The following SNED1 variants were observed in gnomAD, a reference collection of about 807,000 sequenced individuals.
SNED1 encodes the protein sushi, nidogen and EGF-like domain-containing protein 1.
SNED1 carries 81 observed loss-of-function variants against 166.7 expected under a neutral mutation model. The observed-to-expected ratio is 0.49, with a 90% CI of 0.41 to 0.58. The LOEUF is 0.58. Ranked by LOEUF, SNED1 falls within the 20% of genes least tolerant of loss-of-function variation. The pLI is 0.00. For missense variants in SNED1, 1,604 were observed against 2,000.2 expected (o/e 0.80, Z 3.78); for synonymous variants, 762 against 822.0 (o/e 0.93, Z 1.25).
chr2:241,066,615 G>A (rs978643883), intron 21 of SNED1, among the ~76,000 whole-genome samples: 2 of 151,218 alleles, frequency 1.3e-5, no homozygotes, highest in Admixed American at 6.6e-5. Context: ...AGACTGCTGC[G>A]AAGTGGCGTG....
intron 1 of SNED1, among the ~76,000 whole-genome samples, chr2:241,021,033 A>C (rs953807765): frequency 2.6e-5 from 4 of 152,192 alleles, no homozygotes; most frequent in Admixed American, 2.0e-4. Context: ...TCCCCACTGC[A>C]ACCCCCTCGC....
At chr2:241,084,149 T>C (rs1467224896) in intron 29 of SNED1, among the ~76,000 whole-genome samples, 1 of 151,134 alleles carries the variant, frequency 6.6e-6, no homozygotes, top group East Asian at 1.9e-4. Context: ...TTTTTTTTTT[T>C]TTTTGAGACA....
At position 241,090,597 on chromosome 2, in the gene SNED1, A is replaced by C. The variant is rs1490442238; in HGVS notation, c.*2-1041A>C. On this transcript the variant is annotated intron_variant, in intron 31 of 31. Transcript: ENST00000310397. The stretch of plus-strand genomic sequence containing the variant: ...GTTTGTATACACCAGCATCACCACA[A>C]ACACAAAAAGAATTATTCTAGCACT... The C allele has an allele frequency of 3.1e-6, 3 of 975,212 alleles. No individual in the cohort carries two copies. In the African/African-American group the frequency reaches 4.9e-5, roughly 16 times the overall value. 60.4% of individuals were successfully genotyped at this position (975,212 alleles called of 1,614,324 possible). A position where few individuals can be genotyped will look rare whatever the true frequency, so the allele number is the denominator to read the frequency against.
At chr2:241,008,412 C>A (rs2060287465) in intron 1 of SNED1, among the ~76,000 whole-genome samples, 1 of 152,252 alleles carries the variant, frequency 6.6e-6, no homozygotes, top group African/African-American at 2.4e-5. Context: ...CAGGGTCCCA[C>A]CTGATAGCAC....
chr2:241,036,711 G>T (rs1345207056), intron 4 of SNED1, 79 bp from the exon 5 acceptor site: 3 of 1,572,626 alleles, frequency 1.9e-6, no homozygotes, highest in Non-Finnish European at 2.6e-6. Flanking sequence ...GGGGAGGGAA[G>T]GGAGATGCGG....
At chr2:241,024,950 A>T (rs942260648) in intron 1 of SNED1, among the ~76,000 whole-genome samples, 2 of 152,202 alleles carry the variant, frequency 1.3e-5, no homozygotes, top group African/African-American at 4.8e-5. Flanking sequence ...TTGGGATTAC[A>T]GGCATGAGCC....
Position 241,053,021 on chromosome 2 carries a change from C to T in SNED1, c.2084-132C>T, listed in dbSNP as rs914510983. The T allele has an allele frequency of 1.8e-5, 15 of 842,424 alleles. No individual in the cohort carries two copies. In the East Asian group the frequency reaches 3.0e-4, roughly 17 times the overall value. 52.2% of individuals were successfully genotyped at this position (842,424 alleles called of 1,614,324 possible). A position where few individuals can be genotyped will look rare whatever the true frequency, so the allele number is the denominator to read the frequency against. On this transcript the variant is annotated intron_variant, in intron 15 of 31. Transcript: ENST00000310397. ...CAACCAGGCCCCAGAAGTCGAGGCA[C>T]CTTTCCCCGGTGAAGGGCAGTGTGG...
chr2:241,053,783 A>G (rs998495126), intron 16 of SNED1, among the ~76,000 whole-genome samples: 23 of 151,954 alleles, frequency 1.5e-4, no homozygotes, highest in African/African-American at 5.1e-4. Flanking sequence ...CTGAGGTCCC[A>G]CCCCTGTCTG....
Position 241,064,141 on chromosome 2 carries a change from T to A in SNED1, c.2599+16T>A, listed in dbSNP as rs34771867. On this transcript the variant is annotated intron_variant, in intron 19 of 31. Coordinates refer to ENST00000310397, the MANE Select transcript of SNED1 (RefSeq NM_001080437.3). The surrounding 1 kb of genome is among the most constrained non-coding windows in gnomAD (Gnocchi z 7.0). ...TGCGAGACAGGTAGGGCGGCAGGCC[T>A]GCCTGCTCCCCGCCCTCTGCCCGCC... is the stretch of plus-strand genomic sequence containing the variant. 21 of 1,488,398 alleles carry A rather than the reference T, an allele frequency of 1.4e-5. 1 individual carries two copies. Among genetic ancestry groups the A allele is most frequent in the Non-Finnish European group, 1.9e-5 (21 of 1,104,096 alleles). The allele number at this position is 1,488,398 out of a possible 1,614,324, so 92.2% of individuals were successfully genotyped here. A position where few individuals can be genotyped will look rare whatever the true frequency, so the allele number is the denominator to read the frequency against.
At chr2:241,082,415 C>A in intron 29 of SNED1, 51 bp downstream of exon 29, 2 of 1,417,064 alleles carry the variant, frequency 1.4e-6, no homozygotes, top group Non-Finnish European at 2.0e-6. Context: ...GTGTTCTTGA[C>A]TCCTCAAAGT....
chr2:241,022,763 C>T (rs2060809708), intron 1 of SNED1, among the ~76,000 whole-genome samples: 1 of 152,170 alleles, frequency 6.6e-6, no homozygotes, highest in Non-Finnish European at 1.5e-5. Flanking sequence ...ACATTCTTCC[C>T]TCCATTGTTT....
At chr2:241,088,051 G>A (rs1379056020) in intron 30 of SNED1, 3 of 446,296 alleles carry the variant, frequency 6.7e-6, no homozygotes, top group South Asian at 3.6e-5. Flanking sequence ...GTGCTGCTCG[G>A]CCTGTGCACG....
chr2:241,050,198 A>G (rs1464465390), intron 12 of SNED1, among the ~76,000 whole-genome samples: 4 of 152,260 alleles, frequency 2.6e-5, no homozygotes, highest in Non-Finnish European at 4.4e-5. Flanking sequence ...GCATTTTTCC[A>G]AATAGATTTT....
intron 1 of SNED1, among the ~76,000 whole-genome samples, chr2:241,029,077 G>A (rs947342958): frequency 1.3e-5 from 2 of 152,176 alleles, no homozygotes; most frequent in African/African-American, 4.8e-5. Context: ...CAAAGGGGAA[G>A]TCCAGAGGGT....
At chr2:241,034,973 CTG>C (rs1438046281) in intron 4 of SNED1, among the ~76,000 whole-genome samples, 1 of 150,154 alleles carries the variant, frequency 6.7e-6, no homozygotes, top group African/African-American at 2.5e-5. Flanking sequence ...CCTCTGGAGA[CTG>C]TGCCCTAGAG....
Position 241,071,740 on chromosome 2 carries a change from G to A in SNED1, c.3734+20G>A, listed in dbSNP as rs777250337. 3.9e-6 allele frequency: 6 copies of A among 1,529,690 alleles called. No homozygotes were observed. 94.8% of individuals were successfully genotyped at this position (1,529,690 alleles called of 1,614,324 possible). A position where few individuals can be genotyped will look rare whatever the true frequency, so the allele number is the denominator to read the frequency against. ...CCCCAGGTACATGCCCCACCCATCG[G>A]CCCCATCGCCCGAGGCGGCGCTCGG... On this transcript the variant is annotated intron_variant, in intron 25 of 31. Transcript: ENST00000310397.
chr2:241,034,764 C>T (rs528989406), intron 4 of SNED1, 34 bp downstream of exon 4: 32 of 1,500,568 alleles, frequency 2.1e-5, no homozygotes, highest in African/African-American at 5.6e-5. Context: ...GGGGTGGGAG[C>T]GGGCTGAGGA....
At position 241,013,322 on chromosome 2, in the gene SNED1, TGA is replaced by T. The variant is rs2060473452; in HGVS notation, c.213+14277_213+14278del. Among the ~76,000 whole-genome samples the T allele has an allele frequency of 6.6e-6, 1 of 152,064 alleles. No homozygotes were observed. Among genetic ancestry groups the T allele is most frequent in the Non-Finnish European group, 1.5e-5 (1 of 68,010 alleles). On this transcript the variant is annotated intron_variant, in intron 1 of 31. Coordinates refer to ENST00000310397, the MANE Select transcript of SNED1 (RefSeq NM_001080437.3). The surrounding 1 kb of genome is among the most constrained non-coding windows in gnomAD (Gnocchi z 4.6). ...TAATTTTCATTTTATTTATTTTATT[TGA>T]GAGACAGGGTCTCACTCTGTCACCA...
At chr2:241,003,563 A>G (rs931186773) in intron 1 of SNED1, among the ~76,000 whole-genome samples, 1 of 152,136 alleles carries the variant, frequency 6.6e-6, no homozygotes, top group South Asian at 2.1e-4. Context: ...GCTTTTCCAC[A>G]CAGAGATGCA....
Sources: gnomAD v4.1 joint callset for allele counts (sites outside exome capture counted in the v4.1 genomes callset) on GRCh38, gnomAD v4.1.1 for gene constraint, Gnocchi (gnomAD v3.1) non-coding constraint, MANE v1.5 for transcripts, NCBI Gene and HGNC (gene_info 2026-07-23, HGNC 2026-07-21) for gene names.